The following NOX1 variants were observed in gnomAD, a reference collection of about 807,000 sequenced individuals.
The protein encoded by NOX1 is NADH/NADPH mitogenic oxidase subunit P65-MOX.
In NOX1, 34 loss-of-function variants were observed where a neutral mutation model predicts 42.5. That is an observed-to-expected ratio of 0.80 (90% CI 0.61 to 1.07). The LOEUF (loss-of-function observed/expected upper bound fraction) is 1.07. NOX1 is among the 50% of genes least tolerant of loss of function. The pLI, the probability that NOX1 is intolerant of heterozygous loss-of-function variation, is 0.00. For synonymous variants in NOX1, 143 were observed against 152.5 expected (o/e 0.94, Z 0.46); for missense variants, 408 against 427.0 (o/e 0.96, Z 0.39).
At chrX:100,867,071 C>T (rs1353056950) in intron 2 of NOX1, among the ~76,000 whole-genome samples, 2 of 111,858 alleles carry the variant, frequency 1.8e-5, no homozygotes, top group Non-Finnish European at 3.8e-5. Flanking sequence ...CTGGCTCTGT[C>T]GCCCAGGCTG....
chrX:100,867,723 C>A (rs1457742017), intron 2 of NOX1, among the ~76,000 whole-genome samples: 1 of 103,838 alleles, frequency 9.6e-6, no homozygotes, highest in Non-Finnish European at 2.0e-5. Context: ...CAGAGAAAGA[C>A]CCTGTCTCAA....
At chrX:100,861,319 G>T (rs1451015183) in intron 7 of NOX1, among the ~76,000 whole-genome samples, 1 of 111,283 alleles carries the variant, frequency 9.0e-6, no homozygotes, top group East Asian at 2.8e-4. Context: ...AACTTTAGAA[G>T]ACTTTTTGTT....
chrX:100,855,467 A>C (rs2085160268), intron 7 of NOX1: 1 of 754,890 alleles, frequency 1.3e-6, no homozygotes. Context: ...TGCCAAAATC[A>C]TTGTAGCTTC....
chrX:100,863,347 G>A (rs747246538), intron 3 of NOX1, 104 bp from the exon 4 acceptor site: 20 of 910,126 alleles, frequency 2.2e-5, no homozygotes, highest in Middle Eastern at 3.3e-4. Context: ...ATACTCACCC[G>A]CACTAACCCA....
At chrX:100,859,676 G>T (rs1475403223) in intron 7 of NOX1, among the ~76,000 whole-genome samples, 2 of 106,932 alleles carry the variant, frequency 1.9e-5, no homozygotes, top group Non-Finnish European at 3.8e-5. Context: ...GAGGTTGTAT[G>T]TGTCCAGGAA....
At chrX:100,856,213 G>A (rs772186849) in intron 7 of NOX1, 13 of 991,491 alleles carry the variant, frequency 1.3e-5, no homozygotes, top group Admixed American at 2.2e-5. Flanking sequence ...CAAACCCACA[G>A]CCCCTGGAGC....
At chrX:100,853,274 C>A (rs779533682) in intron 7 of NOX1, among the ~76,000 whole-genome samples, 8 of 52,006 alleles carry the variant, frequency 1.5e-4, no homozygotes, top group African/African-American at 5.4e-4. Flanking sequence ...TTCTTTCTTT[C>A]TTTCTTTCTT....
intron 12 of NOX1, among the ~76,000 whole-genome samples, chrX:100,847,008 C>T (rs748835285): frequency 5.4e-5 from 6 of 111,306 alleles, no homozygotes; most frequent in African/African-American, 2.0e-4. Flanking sequence ...GCCAATATGG[C>T]GAAACCCCAT....
rs1389572972 is a variant in NOX1, at chrX:100,862,174, AG to A, written c.800del (p.Pro267LeufsTer30). 1.7e-6 allele frequency: 2 copies of A among 1,210,201 alleles called. No individual in the cohort carries two copies. On this transcript the variant is annotated frameshift_variant, in exon 7 of 13. Coordinates refer to ENST00000372966, the MANE Select transcript of NOX1 (RefSeq NM_007052.5). LOFTEE classifies it high-confidence loss of function. ...CRRPKFEGHPPESWKWILAPV... is the reference protein window; with the variant it reads ...CRRPKFEGHPXESWKWILAPV... The stretch of plus-strand genomic sequence containing the variant: ...TCCTTGCCCGTAGGGCTCTTACCTC[AG>A]GGGGATGCCCTTCAAACTTAGGGCG...
chrX:100,866,935 T>TGGGA (rs2085242233), intron 2 of NOX1, among the ~76,000 whole-genome samples: 1 of 111,752 alleles, frequency 8.9e-6, no homozygotes, highest in Non-Finnish European at 1.9e-5. Flanking sequence ...ACCCGGCCTT[T>TGGGA]GGGAGGCCGA....
chrX:100,868,451 A>T (rs1375061989), intron 2 of NOX1, among the ~76,000 whole-genome samples: 1 of 110,866 alleles, frequency 9.0e-6, no homozygotes, highest in East Asian at 2.8e-4. Flanking sequence ...CCTGTGAGAG[A>T]ACCATCCTCA....
intron 12 of NOX1, among the ~76,000 whole-genome samples, chrX:100,847,998 T>C (rs2085085675): frequency 9.1e-6 from 1 of 110,306 alleles, no homozygotes; most frequent in Non-Finnish European, 1.9e-5. Flanking sequence ...GATTATTGAG[T>C]CCCCTCCCCG....
At position 100,856,626 on chromosome X, in the gene NOX1, G is replaced by A. The variant is rs764867439; in HGVS notation, c.805-5301C>T. Among the ~76,000 whole-genome samples, 3 of 109,520 alleles carry A rather than the reference G, an allele frequency of 2.7e-5. No individual in the cohort carries two copies. In the East Asian group the frequency reaches 8.7e-4, roughly 32 times the overall value. On this transcript the variant is annotated intron_variant, in intron 7 of 12. Coordinates refer to ENST00000372966, the MANE Select transcript of NOX1 (RefSeq NM_007052.5). ...CTTTCTCTGTCAACCAGGCTGGAGT[G>A]CGGTGGTGCCATCACAGCTCACTGC...
intron 2 of NOX1, among the ~76,000 whole-genome samples, chrX:100,865,782 A>G (rs1036269480): frequency 8.9e-6 from 1 of 112,276 alleles, no homozygotes; most frequent in Non-Finnish European, 1.9e-5. Context: ...GATGATGTAA[A>G]TACTCCCACC....
chrX:100,873,905 A>G (rs1371544965), intron 1 of NOX1, among the ~76,000 whole-genome samples, 190 bp downstream of exon 1: 5 of 112,301 alleles, frequency 4.5e-5, no homozygotes, highest in Non-Finnish European at 9.4e-5. Flanking sequence ...ATTTGACAAC[A>G]TGAACAATTG....
At chrX:100,870,628 A>T in intron 2 of NOX1, 91 bp downstream of exon 2, 1 of 633,218 alleles carries the variant, frequency 1.6e-6, no homozygotes, top group Non-Finnish European at 2.6e-6. Flanking sequence ...CCCTAGCCCT[A>T]GAGAATATCA....
At chrX:100,864,388 G>C (rs1243390949) in intron 2 of NOX1, among the ~76,000 whole-genome samples, 1 of 112,333 alleles carries the variant, frequency 8.9e-6, no homozygotes, top group Admixed American at 9.4e-5. Flanking sequence ...TTCTAATATT[G>C]CAGTTATAAG....
chrX:100,867,531 G>C (rs963135911), intron 2 of NOX1, among the ~76,000 whole-genome samples: 1 of 111,823 alleles, frequency 8.9e-6, no homozygotes, highest in African/African-American at 3.2e-5. Flanking sequence ...ATGCAGTGAT[G>C]GTAAATGTTT....
chrX:100,873,360 T>C (rs1450039677), intron 1 of NOX1, among the ~76,000 whole-genome samples: 1 of 111,762 alleles, frequency 8.9e-6, no homozygotes, highest in Non-Finnish European at 1.9e-5. Flanking sequence ...ATCTAGGTCT[T>C]ATTTTCCTTT....
Sources: gnomAD v4.1 joint callset for allele counts (sites outside exome capture counted in the v4.1 genomes callset) on GRCh38, gnomAD v4.1.1 for gene constraint, MANE v1.5 for transcripts, NCBI Gene and HGNC (gene_info 2026-07-23, HGNC 2026-07-21) for gene names.